Variants in BACH2 observed in about 807,000 individuals in gnomAD.
BACH2 encodes the protein BACH transcriptional regulator 2.
In BACH2, 5 loss-of-function variants were observed where a neutral mutation model predicts 61.8. That is an observed-to-expected ratio of 0.08 (90% CI 0.04 to 0.17). The LOEUF (loss-of-function observed/expected upper bound fraction) is 0.17, where lower values mean the gene tolerates loss of function less well. Among genes scored for constraint, BACH2 ranks in the 10% least tolerant of loss-of-function variants. The probability of loss-of-function intolerance (pLI) is 1.00; values close to 1 mark genes in which losing one functional copy is unlikely to be tolerated. For missense variants in BACH2, 824 were observed against 1,091.1 expected, an observed-to-expected ratio of 0.76 and a Z score of 3.45; for synonymous variants, 446 against 440.1, an observed-to-expected ratio of 1.01 and a Z score of -0.17.
chr6:90,148,787 G>A (rs186940103), intron 4 of BACH2, among the ~76,000 whole-genome samples: 1 of 152,254 alleles, frequency 6.6e-6, no homozygotes, highest in East Asian at 1.9e-4. Context: ...TTCCTTACTT[G>A]CCTTTTTTTG....
In BACH2 at chr6:90,296,208, T is replaced by C. The variant is rs561759668; in HGVS notation, c.-446+272A>G. ...ACCCTTCGACGCCAGCAAAATACAA[T>C]GCGCCTCGGCCGCCGTAAACAGCCG... is the stretch of plus-strand genomic sequence containing the variant. On this transcript the variant is annotated intron_variant, in intron 1 of 8. Coordinates refer to ENST00000257749, the MANE Select transcript of BACH2 (RefSeq NM_021813.4). 4.6e-5 allele frequency among the ~76,000 whole-genome samples: 7 copies of C among 151,940 alleles called. 1 individual carries two copies. In the South Asian group the frequency reaches 1.2e-3, roughly 27 times the overall value.
At chr6:89,942,738 G>A (rs1019398650) in intron 7 of BACH2, among the ~76,000 whole-genome samples, 4 of 152,206 alleles carry the variant, frequency 2.6e-5, no homozygotes, top group Non-Finnish European at 4.4e-5. Flanking sequence ...GTGGAGAATC[G>A]GAGAATCAGG....
chr6:90,279,312 CA>C (rs1349904997), intron 1 of BACH2, among the ~76,000 whole-genome samples: 1 of 152,022 alleles, frequency 6.6e-6, no homozygotes, highest in Non-Finnish European at 1.5e-5. Flanking sequence ...CACCTGAGAT[CA>C]GGAGTTTCAG....
chr6:90,176,812 C>G (rs779710415), intron 4 of BACH2, among the ~76,000 whole-genome samples: 1 of 152,148 alleles, frequency 6.6e-6, no homozygotes, highest in Non-Finnish European at 1.5e-5. Context: ...CACGTAGCCA[C>G]AGAGTAATCT....
intron 5 of BACH2, among the ~76,000 whole-genome samples, chr6:90,069,234 A>C (rs1468559554): frequency 6.6e-6 from 1 of 152,164 alleles, no homozygotes; most frequent in Admixed American, 6.5e-5. Context: ...GTTCCTGAAC[A>C]CTGAGTGGAT....
chr6:90,050,792 T>A (rs1780007577), intron 5 of BACH2, among the ~76,000 whole-genome samples: 1 of 150,886 alleles, frequency 6.6e-6, no homozygotes, highest in Admixed American at 6.6e-5. Flanking sequence ...TTTTTTGAGA[T>A]GGAATCTTGC....
chr6:90,223,254 TG>T (rs1769800635), intron 3 of BACH2, among the ~76,000 whole-genome samples: 2 of 152,204 alleles, frequency 1.3e-5, no homozygotes, highest in African/African-American at 4.8e-5. Context: ...CGCTGGGCAC[TG>T]GGGAAGCAAA....
chr6:90,116,288 T>C (rs897601769), intron 4 of BACH2, among the ~76,000 whole-genome samples: 3 of 152,304 alleles, frequency 2.0e-5, no homozygotes, highest in Middle Eastern at 3.4e-3. Flanking sequence ...GTGGTACATA[T>C]ACATCATGGA....
intron 4 of BACH2, among the ~76,000 whole-genome samples, chr6:90,146,946 C>T (rs1213896924): frequency 6.6e-6 from 1 of 152,106 alleles, no homozygotes; most frequent in Admixed American, 6.5e-5. Context: ...CTCCAGGAGA[C>T]GTAGGATAAG....
chr6:90,184,515 A>C (rs1768282226), intron 4 of BACH2, among the ~76,000 whole-genome samples: 1 of 152,138 alleles, frequency 6.6e-6, no homozygotes, highest in Non-Finnish European at 1.5e-5. Context: ...ACTCACCCAG[A>C]CTGGACTTTC....
intron 4 of BACH2, among the ~76,000 whole-genome samples, chr6:90,104,211 C>T (rs980774118): frequency 1.3e-5 from 2 of 152,166 alleles, no homozygotes; most frequent in African/African-American, 4.8e-5. Context: ...GTTTCTTTGT[C>T]CAGGTCTCAA....
intron 4 of BACH2, among the ~76,000 whole-genome samples, chr6:90,160,332 G>T (rs549558567): frequency 6.6e-6 from 1 of 152,310 alleles, no homozygotes; most frequent in Admixed American, 6.5e-5. Context: ...CTTTGTGTAT[G>T]TGCATGTGTG....
chr6:90,119,430 T>G (rs1783534294), intron 4 of BACH2, among the ~76,000 whole-genome samples: 1 of 152,222 alleles, frequency 6.6e-6, no homozygotes, highest in Non-Finnish European at 1.5e-5. Flanking sequence ...AGAAATGCAT[T>G]ATTTAAAATA....
chr6:90,176,646 C>G (rs1204872368), intron 4 of BACH2, among the ~76,000 whole-genome samples: 1 of 152,104 alleles, frequency 6.6e-6, no homozygotes, highest in South Asian at 2.1e-4. Context: ...CCCACCTACC[C>G]TTACCTCCTT....
intron 5 of BACH2, among the ~76,000 whole-genome samples, chr6:90,068,317 C>T (rs1241239058): frequency 6.6e-6 from 1 of 152,220 alleles, no homozygotes; most frequent in Non-Finnish European, 1.5e-5. Flanking sequence ...TCAGGCACCA[C>T]TGAGTACAGT....
Position 89,950,768 on chromosome 6 carries a change from A to G in BACH2, c.1338T>C (p.His446=). 1 of 1,614,126 alleles carries G rather than the reference A, an allele frequency of 6.2e-7. No individual in the cohort carries two copies. Among genetic ancestry groups the G allele is most frequent in the East Asian group, 2.2e-5 (1 of 44,844 alleles). ...CCAAACTGCTCACCCCAGAATAAGA[A>G]TGCACCGAGGTGCTCACTTGGTCAC... is the stretch of plus-strand genomic sequence containing the variant. ...SACDQVSTSV[H]SYSGVSSLDK... is the part of the protein sequence containing the mutation. The change falls in exon 7 of 9, where the codon CAT becomes CAC. Residue 446 remains histidine (H), a synonymous_variant. Transcript: ENST00000257749. The surrounding 1 kb of genome is among the most constrained non-coding windows in gnomAD (Gnocchi z 5.3).
In BACH2 at chr6:89,999,124, G is replaced by GT. The variant is rs1383449724; in HGVS notation, c.243+9477dup. Among the ~76,000 whole-genome samples, 7 of 152,326 alleles carry GT rather than the reference G, an allele frequency of 4.6e-5. No homozygotes were observed. In the East Asian group the frequency reaches 1.3e-3, roughly 29 times the overall value. On this transcript the variant is annotated intron_variant, in intron 6 of 8. Transcript: ENST00000257749. ...TTAAAAAACACACCGTGCTTTCACTGTTTAACTGCAATCTCAGTTTTCAGG... is the reference window on the plus strand; with the variant it reads ...TTAAAAAACACACCGTGCTTTCACTGTTTTAACTGCAATCTCAGTTTTCAGG...
At chr6:90,279,986 G>T (rs1316940502) in intron 1 of BACH2, among the ~76,000 whole-genome samples, 1 of 151,926 alleles carries the variant, frequency 6.6e-6, no homozygotes, top group Non-Finnish European at 1.5e-5. Context: ...GCCTTTTGAG[G>T]GGAAAAAGGT....
intron 5 of BACH2, among the ~76,000 whole-genome samples, chr6:90,010,547 T>C (rs759133847): frequency 6.6e-6 from 1 of 152,242 alleles, no homozygotes; most frequent in Non-Finnish European, 1.5e-5. Context: ...CAAATAAAGC[T>C]GCTGTGAACA....
Sources: allele counts gnomAD v4.1 joint callset (sites outside exome capture counted in the v4.1 genomes callset), GRCh38; gene constraint gnomAD v4.1.1; non-coding constraint Gnocchi (gnomAD v3.1); transcripts MANE v1.5; gene names NCBI Gene and HGNC (gene_info 2026-07-23, HGNC 2026-07-21).